The following TBC1D19 variants were observed in gnomAD, a reference collection of about 807,000 sequenced individuals.
TBC1D19 encodes TBC1 domain family, member 19.
A neutral mutation model predicts 89.0 loss-of-function variants in TBC1D19; 60 were observed. That is an observed-to-expected ratio of 0.67 (90% CI 0.55 to 0.84). The LOEUF (loss-of-function observed/expected upper bound fraction) is 0.84. TBC1D19 is among the 40% of genes least tolerant of loss of function. TBC1D19 has a pLI of 0.00. For synonymous variants in TBC1D19, 189 were observed against 199.7 expected (o/e 0.95, Z 0.45); for missense variants, 500 against 610.8 (o/e 0.82, Z 1.91).
At chr4:26,846,482 A>G in the TBC1D19 span, among the ~76,000 whole-genome samples, 1 of 152,162 alleles carries the variant, frequency 6.6e-6, no homozygotes, top group African/African-American at 2.4e-5. Flanking sequence ...GAGCTTTTTC[A>G]AATCTAAAAA....
intron 1 of TBC1D19, among the ~76,000 whole-genome samples, chr4:26,595,799 C>A (rs1209843283): frequency 6.6e-6 from 1 of 152,104 alleles, no homozygotes; most frequent in African/African-American, 2.4e-5. Flanking sequence ...GGTCTCTATT[C>A]TGTTCTGTTG....
At chr4:26,652,263 G>A (rs994996827) in intron 7 of TBC1D19, among the ~76,000 whole-genome samples, 1 of 151,310 alleles carries the variant, frequency 6.6e-6, no homozygotes. Flanking sequence ...TTTTTCTAAT[G>A]ATTGGAATAG....
At chr4:26,629,920 T>C (rs959619593) in intron 4 of TBC1D19, among the ~76,000 whole-genome samples, 1 of 151,740 alleles carries the variant, frequency 6.6e-6, no homozygotes, top group African/African-American at 2.4e-5. Flanking sequence ...ATATTGGTTG[T>C]TTTTGTTTGA....
chr4:26,707,183 T>G (rs1196682555), intron 13 of TBC1D19, among the ~76,000 whole-genome samples: 1 of 152,050 alleles, frequency 6.6e-6, no homozygotes, highest in Non-Finnish European at 1.5e-5. Context: ...CTCCTTTCAT[T>G]TTTTGTTAGT....
At chr4:26,762,585 A>G in the TBC1D19 span, among the ~76,000 whole-genome samples, 1 of 152,162 alleles carries the variant, frequency 6.6e-6, no homozygotes, top group Non-Finnish European at 1.5e-5. Flanking sequence ...GTGATAGGAA[A>G]AATAATGGTT....
At chr4:26,646,268 C>T (rs1339844564) in intron 7 of TBC1D19, among the ~76,000 whole-genome samples, 1 of 152,016 alleles carries the variant, frequency 6.6e-6, no homozygotes, top group Non-Finnish European at 1.5e-5. Flanking sequence ...CAATGAGATA[C>T]CATCTCACAC....
intron 13 of TBC1D19, among the ~76,000 whole-genome samples, chr4:26,694,829 G>A (rs1173867924): frequency 6.6e-6 from 1 of 152,152 alleles, no homozygotes. Flanking sequence ...TGCAGCTGAG[G>A]GTCCTGACTG....
At chr4:26,661,858 A>T (rs753644983) in intron 8 of TBC1D19, among the ~76,000 whole-genome samples, 4 of 152,196 alleles carry the variant, frequency 2.6e-5, no homozygotes, top group Non-Finnish European at 4.4e-5. Context: ...TATGCAACTG[A>T]AAATGACAAG....
intron 18 of TBC1D19, 58 bp from the exon 19 acceptor site, chr4:26,748,353 C>T: frequency 1.6e-6 from 2 of 1,256,578 alleles, no homozygotes; most frequent in African/African-American, 3.0e-5. Context: ...TCTGATATTG[C>T]ATTTTCATGA....
chr4:26,748,586 T>G lies in TBC1D19; in HGVS notation c.1435+60T>G, dbSNP rs773783445. ...GTTTCTATAATAAGTCCCCTTTTCT[T>G]CCTAACATTCACCATCCGTAACTGG... On this transcript the variant is annotated intron_variant, in intron 19 of 20. Coordinates refer to ENST00000264866, the MANE Select transcript of TBC1D19 (RefSeq NM_018317.4). 1.2e-4 allele frequency: 148 copies of G among 1,204,824 alleles called. 1 individual carries two copies. The highest frequency in any genetic ancestry group is 3.8e-4 in the Middle Eastern group (2 of 5,204). The allele number at this position is 1,204,824 out of a possible 1,614,324, so 74.6% of individuals were successfully genotyped here.
At chr4:26,657,044 C>T (rs892383697) in intron 7 of TBC1D19, among the ~76,000 whole-genome samples, 3 of 46,108 alleles carry the variant, frequency 6.5e-5, no homozygotes, top group African/African-American at 2.3e-4. Flanking sequence ...TCTCTTTCTT[C>T]TTCCTCTTCT....
intron 7 of TBC1D19, among the ~76,000 whole-genome samples, chr4:26,651,863 T>G (rs1001509524): frequency 2.6e-5 from 4 of 152,304 alleles, no homozygotes; most frequent in African/African-American, 9.6e-5. Flanking sequence ...CATAGATAGC[T>G]CTTATTATTT....
chr4:26,745,539 A>T (rs1310257017), intron 18 of TBC1D19, among the ~76,000 whole-genome samples: 1 of 105,822 alleles, frequency 9.4e-6, no homozygotes, highest in African/African-American at 3.8e-5. Context: ...ATGGAGTCTC[A>T]CTCTGTCACC....
chr4:26,798,907 G>GA, the TBC1D19 span, among the ~76,000 whole-genome samples: 2 of 151,594 alleles, frequency 1.3e-5, no homozygotes, highest in African/African-American at 2.4e-5. Flanking sequence ...GATGAGGGTT[G>GA]AAAAAAAACT....
chr4:26,762,149 A>T, the TBC1D19 span, among the ~76,000 whole-genome samples: 1 of 152,196 alleles, frequency 6.6e-6, no homozygotes, highest in East Asian at 1.9e-4. Flanking sequence ...ATAAATAAAT[A>T]AATAAAACAG....
At chr4:26,627,639 A>C (rs907591347) in intron 4 of TBC1D19, among the ~76,000 whole-genome samples, 7 of 151,862 alleles carry the variant, frequency 4.6e-5, no homozygotes, top group Non-Finnish European at 1.0e-4. Flanking sequence ...TCTGATGGCC[A>C]GTGATGGTGA....
At chr4:26,656,603 G>T (rs1289661933) in intron 7 of TBC1D19, among the ~76,000 whole-genome samples, 1 of 151,076 alleles carries the variant, frequency 6.6e-6, no homozygotes, top group Non-Finnish European at 1.5e-5. Context: ...CTGCCATCCA[G>T]GCTGGAGTGC....
intron 4 of TBC1D19, among the ~76,000 whole-genome samples, chr4:26,629,939 T>A (rs1046340623): frequency 2.0e-5 from 3 of 151,808 alleles, no homozygotes; most frequent in Admixed American, 6.6e-5. Flanking sequence ...GATGTATTAT[T>A]TTTATTATCA....
At chr4:26,810,919 A>T in the TBC1D19 span, among the ~76,000 whole-genome samples, 1 of 152,216 alleles carries the variant, frequency 6.6e-6, no homozygotes, top group African/African-American at 2.4e-5. Flanking sequence ...AGTGTAAATT[A>T]ATTCCACCAC....
Sources: allele counts gnomAD v4.1 joint callset (sites outside exome capture counted in the v4.1 genomes callset), GRCh38; gene constraint gnomAD v4.1.1; transcripts MANE v1.5; gene names NCBI Gene and HGNC (gene_info 2026-07-23, HGNC 2026-07-21).